POU2F1: variants seen among roughly 807,000 people sequenced by gnomAD.
POU2F1 encodes the protein POU class 2 homeobox 1, also known as POU domain, class 2, transcription factor 1.
Under a neutral mutation model 84.9 loss-of-function variants are expected in POU2F1, and 16 were observed. The ratio of observed to expected loss-of-function variants is 0.19; its 90% CI spans 0.13 to 0.29. POU2F1 has a LOEUF of 0.29. POU2F1 is among the 10% of genes least tolerant of loss of function. The probability of loss-of-function intolerance (pLI) is 1.00; values close to 1 mark genes in which losing one functional copy is unlikely to be tolerated. For missense variants in POU2F1, 738 were observed against 942.6 expected (o/e 0.78, Z 2.84); for synonymous variants, 368 against 368.3 (o/e 1.00, Z 0.01).
chr1:167,389,877 C>T (rs940581448), intron 9 of POU2F1, 116 bp downstream of exon 9: 15 of 1,201,478 alleles, frequency 1.2e-5, no homozygotes, highest in Admixed American at 4.6e-5. Flanking sequence ...ATATTTGGGA[C>T]GGGGGACGAA....
intron 1 of POU2F1, among the ~76,000 whole-genome samples, chr1:167,273,151 C>T (rs766215079): frequency 1.8e-4 from 28 of 152,190 alleles, no homozygotes; most frequent in African/African-American, 5.8e-4. Context: ...GTCTCATATC[C>T]GGGCAGCACT....
At chr1:167,230,763 T>C (rs1649009999) in intron 1 of POU2F1, among the ~76,000 whole-genome samples, 4 of 152,242 alleles carry the variant, frequency 2.6e-5, no homozygotes, top group Admixed American at 6.5e-5. Flanking sequence ...AAGTAAATCT[T>C]GTCCTAAGAG....
intron 7 of POU2F1, chr1:167,383,594 A>C (rs1322012037): frequency 1.3e-5 from 3 of 233,794 alleles, no homozygotes; most frequent in African/African-American, 6.8e-5. Flanking sequence ...ATTCTTTCCT[A>C]AAATAAAGGA....
chr1:167,323,768 A>G (rs1462697852), intron 1 of POU2F1, among the ~76,000 whole-genome samples: 5 of 152,100 alleles, frequency 3.3e-5, no homozygotes, highest in Non-Finnish European at 4.4e-5. Context: ...TCTCGGCTCA[A>G]TGCAACCTCC....
chr1:167,420,615 G>A lies in POU2F1; in HGVS notation c.*4805G>A, dbSNP rs1010387011. 1 of 152,220 alleles carries A rather than the reference G, an allele frequency of 6.6e-6. No homozygotes were observed. Among genetic ancestry groups the A allele is most frequent in the African/African-American group, 2.4e-5 (1 of 41,452 alleles). 9.4% of individuals were successfully genotyped at this position (152,220 alleles called of 1,614,324 possible). A position where few individuals can be genotyped will look rare whatever the true frequency, so the allele number is the denominator to read the frequency against. On this transcript the variant is annotated 3_prime_UTR_variant, in exon 16 of 16. Transcript: ENST00000367866. Reference sequence around the variant, plus strand: ...CATTCTTGACCAAGAAAAAAGATAAGGTCATTGAGATAGGAAGACAGAGGA... The same window carrying A: ...CATTCTTGACCAAGAAAAAAGATAAAGTCATTGAGATAGGAAGACAGAGGA...
At chr1:167,253,045 G>A (rs960725678) in intron 1 of POU2F1, among the ~76,000 whole-genome samples, 23 of 152,180 alleles carry the variant, frequency 1.5e-4, no homozygotes, top group Non-Finnish European at 2.6e-4. Flanking sequence ...ATCACCATAT[G>A]TGTTCATTAC....
intron 1 of POU2F1, among the ~76,000 whole-genome samples, chr1:167,283,968 T>G (rs1395086034): frequency 1.3e-5 from 2 of 152,204 alleles, no homozygotes; most frequent in African/African-American, 4.8e-5. Flanking sequence ...AATATTCTGT[T>G]GGTGTAGAAT....
At chr1:167,341,667 C>T (rs1002590752) in intron 2 of POU2F1, among the ~76,000 whole-genome samples, 4 of 152,172 alleles carry the variant, frequency 2.6e-5, no homozygotes, top group Admixed American at 6.5e-5. Context: ...GGGTGGGTGT[C>T]TGCAACTCCC....
rs1650888451 is a variant in POU2F1, at chr1:167,425,256, A to G, written c.*9446A>G. 1 of 151,506 alleles carries G rather than the reference A, an allele frequency of 6.6e-6. No individual in the cohort carries two copies. Among genetic ancestry groups the G allele is most frequent in the African/African-American group, 2.4e-5 (1 of 41,162 alleles). 9.4% of individuals were successfully genotyped at this position (151,506 alleles called of 1,614,324 possible). A position where few individuals can be genotyped will look rare whatever the true frequency, so the allele number is the denominator to read the frequency against. Reference sequence around the variant, plus strand: ...TTGTTTTGTTTTGTTTTGTTTTTCAAATTTCCAGCCAAAACCAAAGATTTC... The same window carrying G: ...TTGTTTTGTTTTGTTTTGTTTTTCAGATTTCCAGCCAAAACCAAAGATTTC... On this transcript the variant is annotated 3_prime_UTR_variant, in exon 16 of 16. Transcript: ENST00000367866.
intron 12 of POU2F1, among the ~76,000 whole-genome samples, chr1:167,400,451 A>G (rs1010042031): frequency 1.3e-5 from 2 of 152,162 alleles, no homozygotes; most frequent in African/African-American, 4.8e-5. Context: ...CTTTTTATTC[A>G]TGTTGAGTCC....
rs545073037 is a variant in POU2F1 at position 167,257,402 on chromosome 1, G to A, written c.61+36444G>A. 3.0e-4 allele frequency among the ~76,000 whole-genome samples: 46 copies of A among 152,268 alleles called. No homozygotes were observed. The Middle Eastern group carries it at 0.017, about 56-fold the overall frequency. On this transcript the variant is annotated intron_variant, in intron 1 of 15. Transcript: ENST00000367866. Reference sequence around the variant, plus strand: ...ATGTCCAAATGATGAGAGGTGGATGGCATTTTGGCCTGATGTCAGTTACTA... The same window carrying A: ...ATGTCCAAATGATGAGAGGTGGATGACATTTTGGCCTGATGTCAGTTACTA...
At chr1:167,394,402 A>T (rs1484379652) in intron 9 of POU2F1, among the ~76,000 whole-genome samples, 1 of 152,216 alleles carries the variant, frequency 6.6e-6, no homozygotes, top group South Asian at 2.1e-4. Context: ...ACATATTTGT[A>T]TACAGTATAA....
At chr1:167,268,046 C>T (rs1420492968) in intron 1 of POU2F1, among the ~76,000 whole-genome samples, 4 of 152,072 alleles carry the variant, frequency 2.6e-5, no homozygotes, top group Admixed American at 6.6e-5. Context: ...TGTTCTTCAG[C>T]GTGACTCAAG....
chr1:167,426,287 A>G lies in POU2F1; in HGVS notation c.*10477A>G, dbSNP rs1211300839. On this transcript the variant is annotated 3_prime_UTR_variant, in exon 16 of 16. Transcript: ENST00000367866. ...TTGTTTGTTTCAGTGTAATGCTCTTAAAGTCATAGCATGAAAATAATTGAA... is the reference window on the plus strand; with the variant it reads ...TTGTTTGTTTCAGTGTAATGCTCTTGAAGTCATAGCATGAAAATAATTGAA... The G allele has an allele frequency of 1.3e-5, 2 of 152,130 alleles. No homozygotes were observed. The highest frequency in any genetic ancestry group is 2.4e-5 in the African/African-American group (1 of 41,462). The allele number at this position is 152,130 out of a possible 1,614,324, so 9.4% of individuals were successfully genotyped here.
intron 1 of POU2F1, among the ~76,000 whole-genome samples, chr1:167,298,961 C>T (rs1654468163): frequency 6.6e-6 from 1 of 151,836 alleles, no homozygotes; most frequent in African/African-American, 2.4e-5. Context: ...GTCGGGAGTT[C>T]GAGACCAGCC....
intron 1 of POU2F1, among the ~76,000 whole-genome samples, chr1:167,235,774 G>C (rs529068404): frequency 1.7e-4 from 26 of 152,188 alleles, no homozygotes; most frequent in Admixed American, 3.9e-4. Context: ...CATATTCTTT[G>C]CAGTAACTTG....
intron 3 of POU2F1, 52 bp downstream of exon 3, chr1:167,365,619 G>A: frequency 3.0e-6 from 4 of 1,342,120 alleles, no homozygotes; most frequent in Admixed American, 2.4e-5. Context: ...GAGGCGTAAA[G>A]TACTGGGGCC....
intron 2 of POU2F1, among the ~76,000 whole-genome samples, chr1:167,364,125 CTG>C (rs1442608366): frequency 2.6e-5 from 4 of 152,176 alleles, no homozygotes; most frequent in Non-Finnish European, 5.9e-5. Flanking sequence ...AAAATAATAA[CTG>C]GATATAGTAA....
At chr1:167,283,317 AGAG>A (rs1653291902) in intron 1 of POU2F1, among the ~76,000 whole-genome samples, 1 of 152,122 alleles carries the variant, frequency 6.6e-6, no homozygotes, top group Non-Finnish European at 1.5e-5. Flanking sequence ...GAAAAAAAAA[AGAG>A]GAAGAAGAGT....
Sources: allele counts gnomAD v4.1 joint callset (sites outside exome capture counted in the v4.1 genomes callset), GRCh38; gene constraint gnomAD v4.1.1; transcripts MANE v1.5; gene names NCBI Gene and HGNC (gene_info 2026-07-23, HGNC 2026-07-21).